SESTD1: variants seen among roughly 807,000 people sequenced by gnomAD.
SESTD1 encodes the protein SEC14 domain and spectrin repeat-containing protein 1.
A neutral mutation model predicts 101.7 loss-of-function variants in SESTD1; 43 were observed. The observed-to-expected ratio is 0.42, with a 90% CI of 0.33 to 0.55. SESTD1 has a LOEUF of 0.55. Among genes scored for constraint, SESTD1 ranks in the 20% least tolerant of loss-of-function variants. The pLI, the probability that SESTD1 is intolerant of heterozygous loss-of-function variation, is 0.07. For missense variants in SESTD1, 647 were observed against 815.1 expected (o/e 0.79, Z 2.51); for synonymous variants, 283 against 286.8 (o/e 0.99, Z 0.13).
At chr2:179,185,745 G>GCATAT (rs2046214763) in intron 2 of SESTD1, among the ~76,000 whole-genome samples, 3 of 115,406 alleles carry the variant, frequency 2.6e-5, no homozygotes, top group Non-Finnish European at 4.9e-5. Context: ...ATATAATATA[G>GCATAT]TATATTATAT....
intron 4 of SESTD1, among the ~76,000 whole-genome samples, chr2:179,174,709 T>A (rs1390922545): frequency 6.6e-6 from 1 of 152,122 alleles, no homozygotes; most frequent in Non-Finnish European, 1.5e-5. Context: ...GCCTGTAATC[T>A]CAGCGATTTG....
At chr2:179,202,243 T>G (rs1434786773) in intron 1 of SESTD1, among the ~76,000 whole-genome samples, 1 of 133,794 alleles carries the variant, frequency 7.5e-6, no homozygotes, top group Non-Finnish European at 1.6e-5. Flanking sequence ...CATCTCAGTT[T>G]AACTTTTGCT....
At chr2:179,168,584 A>AG (rs1310259992) in intron 5 of SESTD1, among the ~76,000 whole-genome samples, 1 of 152,218 alleles carries the variant, frequency 6.6e-6, no homozygotes, top group East Asian at 1.9e-4. Context: ...GATTTTCTTT[A>AG]GGCAAACAAA....
At chr2:179,161,919 T>C (rs1481909387) in intron 5 of SESTD1, among the ~76,000 whole-genome samples, 2 of 152,104 alleles carry the variant, frequency 1.3e-5, no homozygotes, top group East Asian at 1.9e-4. Flanking sequence ...CTGCATACTA[T>C]GTTTTTTACC....
At chr2:179,238,379 A>G (rs1027967219) in intron 1 of SESTD1, among the ~76,000 whole-genome samples, 1 of 152,214 alleles carries the variant, frequency 6.6e-6, no homozygotes, top group African/African-American at 2.4e-5. Flanking sequence ...ACGCCTTCTC[A>G]TGGCCTTAGA....
chr2:179,224,362 C>A (rs1018209131), intron 1 of SESTD1, among the ~76,000 whole-genome samples: 1 of 152,158 alleles, frequency 6.6e-6, no homozygotes, highest in Non-Finnish European at 1.5e-5. Context: ...GGTTAACCTG[C>A]CCAACGTTAT....
chr2:179,133,258 C>A (rs958245100), intron 9 of SESTD1, among the ~76,000 whole-genome samples: 1 of 152,122 alleles, frequency 6.6e-6, no homozygotes, highest in African/African-American at 2.4e-5. Flanking sequence ...GGACTATGCC[C>A]ATTATGAGTC....
chr2:179,241,430 G>A (rs2047151814), intron 1 of SESTD1, among the ~76,000 whole-genome samples: 1 of 152,058 alleles, frequency 6.6e-6, no homozygotes, highest in Non-Finnish European at 1.5e-5. Flanking sequence ...TTAAACTTTT[G>A]AAAACTAAGG....
At chr2:179,262,445 C>A (rs2047496791) in intron 1 of SESTD1, among the ~76,000 whole-genome samples, 2 of 152,078 alleles carry the variant, frequency 1.3e-5, no homozygotes, top group Admixed American at 6.5e-5. Flanking sequence ...GGATGGAATG[C>A]AGTGGTCCAA....
chr2:179,251,842 C>T (rs565802353), intron 1 of SESTD1, among the ~76,000 whole-genome samples: 2 of 152,120 alleles, frequency 1.3e-5, no homozygotes, highest in Non-Finnish European at 2.9e-5. Context: ...TCACCAGATA[C>T]AAAATCTGCC....
At chr2:179,196,461 A>C (rs950998296) in intron 1 of SESTD1, among the ~76,000 whole-genome samples, 5 of 152,258 alleles carry the variant, frequency 3.3e-5, no homozygotes, top group African/African-American at 7.2e-5. Flanking sequence ...CACCACAGCT[A>C]AAGGAGGCCT....
At chr2:179,231,513 T>TC (rs2046987369) in intron 1 of SESTD1, among the ~76,000 whole-genome samples, 1 of 133,390 alleles carries the variant, frequency 7.5e-6, no homozygotes, top group Non-Finnish European at 1.6e-5. Flanking sequence ...AGCCTAAATA[T>TC]CCAAAAAAAA....
At chr2:179,160,093 G>T (rs1320183119) in intron 5 of SESTD1, among the ~76,000 whole-genome samples, 1 of 152,110 alleles carries the variant, frequency 6.6e-6, no homozygotes, top group Non-Finnish European at 1.5e-5. Flanking sequence ...CTGACTTCAG[G>T]TCATCCACCT....
At chr2:179,163,163 C>A (rs2045771284) in intron 5 of SESTD1, among the ~76,000 whole-genome samples, 1 of 152,080 alleles carries the variant, frequency 6.6e-6, no homozygotes. Context: ...ACCTGCAATT[C>A]CTCAAATGCT....
chr2:179,184,271 G>T (rs1408337402), intron 2 of SESTD1, among the ~76,000 whole-genome samples: 1 of 152,160 alleles, frequency 6.6e-6, no homozygotes, highest in African/African-American at 2.4e-5. Context: ...GAGGTAATTT[G>T]AGAGGCTTAA....
chr2:179,157,745 G>C (rs1469891563), intron 5 of SESTD1, among the ~76,000 whole-genome samples: 2 of 152,054 alleles, frequency 1.3e-5, no homozygotes, highest in Admixed American at 6.5e-5. Context: ...TTATTTAGTG[G>C]AGCTAAATTT....
intron 3 of SESTD1, among the ~76,000 whole-genome samples, chr2:179,178,307 C>T (rs565081006): frequency 6.6e-6 from 1 of 152,016 alleles, no homozygotes; most frequent in Non-Finnish European, 1.5e-5. Context: ...ATACAGTGAT[C>T]ACTTGTGGGT....
intron 1 of SESTD1, among the ~76,000 whole-genome samples, chr2:179,203,179 G>C (rs2046543700): frequency 7.4e-6 from 1 of 134,776 alleles, no homozygotes; most frequent in African/African-American, 2.9e-5. Flanking sequence ...TAGCCCCCTT[G>C]CAGCATGACT....
At chr2:179,238,375 T>C (rs2047099623) in intron 1 of SESTD1, among the ~76,000 whole-genome samples, 1 of 152,218 alleles carries the variant, frequency 6.6e-6, no homozygotes, top group African/African-American at 2.4e-5. Context: ...ATTAACGCCT[T>C]CTCATGGCCT....
Sources: allele counts gnomAD v4.1 joint callset (sites outside exome capture counted in the v4.1 genomes callset), GRCh38; gene constraint gnomAD v4.1.1; transcripts MANE v1.5; gene names NCBI Gene and HGNC (gene_info 2026-07-23, HGNC 2026-07-21).